The following FGF14 variants were observed in gnomAD, a reference collection of about 807,000 sequenced individuals.
The protein encoded by FGF14 is fibroblast growth factor homologous factor 4.
A neutral mutation model predicts 25.5 loss-of-function variants in FGF14; 5 were observed. The ratio of observed to expected loss-of-function variants is 0.20; its 90% CI spans 0.10 to 0.41. The LOEUF (loss-of-function observed/expected upper bound fraction) is 0.41, where lower values mean the gene tolerates loss of function less well. Among genes scored for constraint, FGF14 ranks in the 10% least tolerant of loss-of-function variants. The pLI is 1.00. For missense variants in FGF14, 222 were observed against 320.1 expected (o/e 0.69, Z 2.34); for synonymous variants, 138 against 118.3 (o/e 1.17, Z -1.08).
intron 1 of FGF14, among the ~76,000 whole-genome samples, chr13:102,378,595 A>ATATCTATATCTATC (rs2058095996): frequency 7.1e-6 from 1 of 140,358 alleles, no homozygotes; most frequent in Non-Finnish European, 1.5e-5. Flanking sequence ...ATATATATCT[A>ATATCTATATCTATC]TATCTATCTA....
intron 1 of FGF14, among the ~76,000 whole-genome samples, chr13:102,175,455 G>T (rs1315104368): frequency 1.3e-5 from 2 of 151,932 alleles, no homozygotes; most frequent in African/African-American, 4.8e-5. Context: ...CAGATTAAAG[G>T]TTTAAATGTT....
intron 1 of FGF14, among the ~76,000 whole-genome samples, chr13:102,326,745 AGG>A (rs2056460927): frequency 1.0e-5 from 1 of 98,786 alleles, no homozygotes; most frequent in Non-Finnish European, 2.2e-5. Context: ...GAAGGAAGGA[AGG>A]AAGGAAAGAG....
At chr13:101,901,389 T>C (rs561274667) in intron 1 of FGF14, among the ~76,000 whole-genome samples, 6 of 152,026 alleles carry the variant, frequency 3.9e-5, no homozygotes, top group Non-Finnish European at 8.8e-5. Context: ...AGACCCCAAG[T>C]GAAGAGGGAG....
chr13:102,217,291 C>T (rs75364034), intron 1 of FGF14, among the ~76,000 whole-genome samples: 1,540 of 152,252 alleles, frequency 0.01, 33 homozygotes, highest in African/African-American at 0.034. Context: ...CTAAGATACT[C>T]TGGGAGTAAA....
intron 3 of FGF14, among the ~76,000 whole-genome samples, chr13:101,808,362 C>T (rs1174863813): frequency 6.6e-6 from 1 of 151,820 alleles, no homozygotes; most frequent in Non-Finnish European, 1.5e-5. Context: ...TTACCTATAC[C>T]ATTCTCCATT....
chr13:102,251,551 T>C (rs898867311), intron 1 of FGF14, among the ~76,000 whole-genome samples: 2 of 152,152 alleles, frequency 1.3e-5, no homozygotes, highest in Non-Finnish European at 2.9e-5. Context: ...GTTTGTACAC[T>C]GCATAAAGGA....
chr13:101,832,241 G>C (rs1326488113), intron 3 of FGF14, among the ~76,000 whole-genome samples: 1 of 151,990 alleles, frequency 6.6e-6, no homozygotes, highest in African/African-American at 2.4e-5. Context: ...GAAAGGAAGA[G>C]ATTATTCTCT....
intron 1 of FGF14, among the ~76,000 whole-genome samples, chr13:102,085,739 G>A (rs188802319): frequency 2.6e-5 from 4 of 152,306 alleles, no homozygotes; most frequent in Admixed American, 2.6e-4. Context: ...CCTGCATAAT[G>A]AAACCAATCA....
intron 1 of FGF14, among the ~76,000 whole-genome samples, chr13:101,989,135 T>A (rs2038759658): frequency 6.6e-6 from 1 of 152,140 alleles, no homozygotes; most frequent in Non-Finnish European, 1.5e-5. Flanking sequence ...ACTGAAGATA[T>A]ACTTTTCAAA....
intron 1 of FGF14, among the ~76,000 whole-genome samples, chr13:102,317,982 C>T (rs1033369691): frequency 1.3e-5 from 2 of 152,206 alleles, no homozygotes; most frequent in Non-Finnish European, 2.9e-5. Flanking sequence ...CCATAGACAT[C>T]GGCCCCAGTC....
intron 3 of FGF14, among the ~76,000 whole-genome samples, chr13:101,864,041 G>A (rs2044566071): frequency 6.6e-6 from 1 of 152,120 alleles, no homozygotes; most frequent in Non-Finnish European, 1.5e-5. Flanking sequence ...ATCTTATGTA[G>A]AGTGGATAAG....
chr13:102,179,781 T>C (rs1282990360), intron 1 of FGF14, among the ~76,000 whole-genome samples: 7 of 152,140 alleles, frequency 4.6e-5, no homozygotes, highest in Admixed American at 4.6e-4. Flanking sequence ...AAACTCCAAA[T>C]ATATAACTAA....
chr13:101,830,531 C>T (rs562264194), intron 3 of FGF14, among the ~76,000 whole-genome samples: 62 of 152,066 alleles, frequency 4.1e-4, no homozygotes, highest in Non-Finnish European at 7.5e-4. Context: ...AGGTTGAGAA[C>T]ATTACCTCAA....
chr13:101,789,423 C>T (rs1003367305), intron 3 of FGF14, among the ~76,000 whole-genome samples: 2 of 152,112 alleles, frequency 1.3e-5, no homozygotes, highest in Non-Finnish European at 2.9e-5. Flanking sequence ...GAGATTTGGT[C>T]TTCATTTCCC....
chr13:101,765,526 T>G (rs1192212991), intron 3 of FGF14, among the ~76,000 whole-genome samples: 1 of 152,120 alleles, frequency 6.6e-6, no homozygotes, highest in African/African-American at 2.4e-5. Flanking sequence ...GGTGAACTGA[T>G]TGCTTAGGGA....
chr13:101,793,084 T>C (rs1354075352), intron 3 of FGF14, among the ~76,000 whole-genome samples: 1 of 152,142 alleles, frequency 6.6e-6, no homozygotes. Flanking sequence ...CTGTATTCAC[T>C]ACACTGTGCA....
intron 1 of FGF14, among the ~76,000 whole-genome samples, chr13:102,230,065 G>C (rs2051008198): frequency 6.6e-6 from 1 of 152,162 alleles, no homozygotes; most frequent in Non-Finnish European, 1.5e-5. Flanking sequence ...GTGGGAATTT[G>C]GGGAGGAGAT....
chr13:102,379,430 A>G (rs774973657), intron 1 of FGF14, among the ~76,000 whole-genome samples: 3 of 151,474 alleles, frequency 2.0e-5, no homozygotes, highest in Non-Finnish European at 4.4e-5. Flanking sequence ...ACACACACAC[A>G]TATTTATATA....
intron 1 of FGF14, among the ~76,000 whole-genome samples, chr13:102,056,053 T>G (rs1373985148): frequency 6.6e-6 from 1 of 152,198 alleles, no homozygotes; most frequent in Non-Finnish European, 1.5e-5. Flanking sequence ...CTCCCACATG[T>G]GGGAATTATG....
Sources: allele counts gnomAD v4.1 joint callset (sites outside exome capture counted in the v4.1 genomes callset), GRCh38; gene constraint gnomAD v4.1.1; transcripts MANE v1.5; gene names NCBI Gene and HGNC (gene_info 2026-07-23, HGNC 2026-07-21).